ZNF442: variants seen among roughly 807,000 people sequenced by gnomAD.
The protein encoded by ZNF442 is zinc finger protein 442.
ZNF442 carries 45 observed loss-of-function variants against 57.0 expected under a neutral mutation model. The observed-to-expected ratio is 0.79, with a 90% CI of 0.62 to 1.01. ZNF442 has a LOEUF of 1.01. Among genes scored for constraint, ZNF442 ranks in the 50% least tolerant of loss-of-function variants. The pLI, the probability that ZNF442 is intolerant of heterozygous loss-of-function variation, is 0.00. For missense variants in ZNF442, 690 were observed against 756.5 expected (o/e 0.91, Z 1.03); for synonymous variants, 213 against 241.8 (o/e 0.88, Z 1.10).
chr19:12,367,699 C>T (rs372464581), upstream of ZNF442, among the ~76,000 whole-genome samples: 758 of 152,104 alleles, frequency 5.0e-3, 16 homozygotes, highest in African/African-American at 0.017. Context: ...CAGAGTCTCA[C>T]GCTCTGTCCC....
At chr19:12,364,042 T>C (rs1374259118) in intron 2 of ZNF442, among the ~76,000 whole-genome samples, 1 of 152,202 alleles carries the variant, frequency 6.6e-6, no homozygotes, top group African/African-American at 2.4e-5. Context: ...TGTTTGTTTT[T>C]TTGTTTTTTA....
rs774249990 is a variant in ZNF442 at position 12,350,422 on chromosome 19, T to C, written c.1163A>G (p.His388Arg). The C allele has an allele frequency of 6.2e-7, 1 of 1,612,118 alleles. No individual in the cohort carries two copies. The highest frequency in any genetic ancestry group is 8.5e-7 in the Non-Finnish European group (1 of 1,178,614). ...CATATGACTTCGAAAGCTTGAGTGA[T>C]GAGATAACGCTTTCCCACACTGCTT... Reference protein sequence around the residue: ...ECKQCGKALSHHSSFRSHMIM... With the variant: ...ECKQCGKALSRHSSFRSHMIM... Residue 388 changes from histidine to arginine, a missense_variant, in exon 6 of 6, where the codon CAT becomes CGT. By Grantham distance (29) the His-to-Arg change is conservative. Transcript: ENST00000242804.
At position 12,351,008 on chromosome 19, in the gene ZNF442, A is replaced by G; in HGVS notation, c.577T>C (p.Ser193Pro). ...ATTATGTGTCTTCGAAGGTTTCCCG[A>G]AGAACTGAAGGTTTTCCCACATTCC... ...CKECGKTFSS[S>P]GNLRRHIIVQ... Residue 193 changes from serine (S) to proline (P), a missense_variant, in exon 6 of 6, where the codon TCG (serine) becomes CCG (proline). Coordinates refer to ENST00000242804, the MANE Select transcript of ZNF442 (RefSeq NM_030824.3). 1 of 1,613,984 alleles carries G rather than the reference A, an allele frequency of 6.2e-7. No homozygotes were observed. The highest frequency in any genetic ancestry group is 8.5e-7 in the Non-Finnish European group (1 of 1,179,890).
At chr19:12,372,834 C>T in the ZNF442 span, among the ~76,000 whole-genome samples, 1 of 152,286 alleles carries the variant, frequency 6.6e-6, no homozygotes, top group East Asian at 1.9e-4. Flanking sequence ...AGTGCAGTGG[C>T]ACGATCTCAA....
At chr19:12,368,227 C>T (rs990544109), upstream of ZNF442, among the ~76,000 whole-genome samples, 1 of 152,096 alleles carries the variant, frequency 6.6e-6, no homozygotes, top group African/African-American at 2.4e-5. Context: ...GCAATCATCA[C>T]GGGGTCCTGA....
In ZNF442 at chr19:12,347,417, C is replaced by T. The variant is rs1274251572; in HGVS notation, c.*2284G>A. ...GTGAGGAAGTCAATGATTTCAGGAG[C>T]TTCTCCACTATTGATGAAGTATCAG... On this transcript the variant is annotated 3_prime_UTR_variant, in exon 6 of 6. Coordinates refer to ENST00000242804, the MANE Select transcript of ZNF442 (RefSeq NM_030824.3). 1 of 152,180 alleles carries T rather than the reference C, an allele frequency of 6.6e-6. No individual in the cohort carries two copies. The highest frequency in any genetic ancestry group is 1.5e-5 in the Non-Finnish European group (1 of 68,052). The allele number at this position is 152,180 out of a possible 1,614,324, so 9.4% of individuals were successfully genotyped here.
chr19:12,348,118 GT>G lies in ZNF442; in HGVS notation c.*1582del, dbSNP rs1350139958. On this transcript the variant is annotated 3_prime_UTR_variant, in exon 6 of 6. Coordinates refer to ENST00000242804, the MANE Select transcript of ZNF442 (RefSeq NM_030824.3). Reference sequence around the variant, plus strand: ...TCAGCACTTTGGGAGGCCGAGGCAGGTGGATCACCTGAGGTCAGGAGTTCGA... The same window carrying G: ...TCAGCACTTTGGGAGGCCGAGGCAGGGGATCACCTGAGGTCAGGAGTTCGA... 1 of 152,146 alleles carries G rather than the reference GT, an allele frequency of 6.6e-6. No homozygotes were observed. Among genetic ancestry groups the G allele is most frequent in the Admixed American group, 6.5e-5 (1 of 15,274 alleles). 9.4% of individuals were successfully genotyped at this position (152,146 alleles called of 1,614,324 possible). A position where few individuals can be genotyped will look rare whatever the true frequency, so the allele number is the denominator to read the frequency against.
Position 12,349,646 on chromosome 19 carries a change from G to A in ZNF442, c.*55C>T, listed in dbSNP as rs1969180451. 6.6e-7 allele frequency: 1 copy of A among 1,518,474 alleles called. No individual in the cohort carries two copies. Among genetic ancestry groups the A allele is most frequent in the Non-Finnish European group, 8.9e-7 (1 of 1,127,052 alleles). The allele number at this position is 1,518,474 out of a possible 1,614,324, so 94.1% of individuals were successfully genotyped here. On this transcript the variant is annotated 3_prime_UTR_variant, in exon 6 of 6. Transcript: ENST00000242804. ...TGCATTCATGAGGCTTATCTCCTATGTGATTTCTTTCACGTTTCTGAAATG... is the reference window on the plus strand; with the variant it reads ...TGCATTCATGAGGCTTATCTCCTATATGATTTCTTTCACGTTTCTGAAATG...
At position 12,364,970 on chromosome 19, in the gene ZNF442, G is replaced by A. The variant is rs1969506210; in HGVS notation, c.-209C>T. 6.6e-6 allele frequency: 1 copy of A among 152,302 alleles called. No homozygotes were observed. Among genetic ancestry groups the A allele is most frequent in the Non-Finnish European group, 1.5e-5 (1 of 68,162 alleles). The allele number at this position is 152,302 out of a possible 1,614,324, so 9.4% of individuals were successfully genotyped here. A position where few individuals can be genotyped will look rare whatever the true frequency, so the allele number is the denominator to read the frequency against. On this transcript the variant is annotated 5_prime_UTR_variant, in exon 2 of 6. Transcript: ENST00000242804. ...CCAACGGAAAGGCTGGCGCCAAGCA[G>A]GGTGAAAACCCCACGAGGGAACCCA...
chr19:12,351,540 T>C (rs1247057569), intron 5 of ZNF442, among the ~76,000 whole-genome samples: 2 of 152,174 alleles, frequency 1.3e-5, no homozygotes, highest in Non-Finnish European at 2.9e-5. Context: ...GGAGTCTCGC[T>C]CTGTCGCCAG....
At chr19:12,367,813 C>T (rs1001324134), upstream of ZNF442, among the ~76,000 whole-genome samples, 8 of 152,032 alleles carry the variant, frequency 5.3e-5, no homozygotes, top group African/African-American at 9.7e-5. Flanking sequence ...GGACTACAGG[C>T]GCGTGCCACC....
chr19:12,373,193 T>C, the ZNF442 span, among the ~76,000 whole-genome samples: 3 of 152,198 alleles, frequency 2.0e-5, no homozygotes, highest in African/African-American at 4.8e-5. Flanking sequence ...CTTACGTCAA[T>C]TGACACTTAC....
intron 3 of ZNF442, among the ~76,000 whole-genome samples, chr19:12,362,216 GCC>G (rs1969442755): frequency 6.6e-6 from 1 of 152,026 alleles, no homozygotes; most frequent in Non-Finnish European, 1.5e-5. Context: ...CTGCCTGGCC[GCC>G]CAGTCTGGGA....
chr19:12,352,019 C>G lies in ZNF442; in HGVS notation c.257G>C (p.Arg86Thr), dbSNP rs140948641. Residue 86 changes from arginine to threonine, a missense_variant, in exon 5 of 6, where the codon AGG (arginine) becomes ACG (threonine). Transcript: ENST00000242804. ...NIEDQHRNPR[R>T]SLRCHIIERF... ...TGTGAGTGCAAATTACCTTAGGCTC[C>G]TCCTGGGATTTCTGTGCTGATCTTC... is the stretch of plus-strand genomic sequence containing the variant. The G allele has an allele frequency of 3.7e-6, 6 of 1,613,426 alleles. No homozygotes were observed. The African/African-American group carries it at 6.7e-5, about 18-fold the overall frequency.
intron 5 of ZNF442, chr19:12,351,650 C>T (rs1969240486): frequency 3.1e-6 from 1 of 317,482 alleles, no homozygotes; most frequent in East Asian, 6.8e-5. Context: ...GGACTACACA[C>T]ATGCGCCACC....
rs747501985 is a variant in ZNF442 at position 12,350,956 on chromosome 19, A to G, written c.629T>C (p.Ile210Thr). ...AAAGGCTTTCCCACACAACTTACAT[A>G]TATAAGGTCCACCTCCACGTTGTAC... ...IIVQRGGGPY[I>T]CKLCGKAFFW... is the part of the protein sequence containing the mutation. Residue 210 changes from isoleucine to threonine, a missense_variant, in exon 6 of 6, where the codon ATA (isoleucine) becomes ACA (threonine). Physicochemically the swap from Ile to Thr is moderately conservative, Grantham distance 89. Transcript: ENST00000242804. The G allele has an allele frequency of 1.2e-6, 2 of 1,614,212 alleles. No homozygotes were observed. The highest frequency in any genetic ancestry group is 8.5e-7 in the Non-Finnish European group (1 of 1,180,032).
At chr19:12,364,236 T>G (rs1402346727) in intron 2 of ZNF442, among the ~76,000 whole-genome samples, 1 of 151,798 alleles carries the variant, frequency 6.6e-6, no homozygotes, top group Non-Finnish European at 1.5e-5. Flanking sequence ...TGAAACCCCG[T>G]CGCTACTAAA....
upstream of ZNF442, chr19:12,365,702 C>T: frequency 4.9e-6 from 1 of 202,672 alleles, no homozygotes; most frequent in Non-Finnish European, 1.0e-5. Flanking sequence ...CCCGGCAGCG[C>T]GCCTGACTGG....
rs533843712 is a variant in ZNF442 at position 12,350,802 on chromosome 19, C to T, written c.783G>A (p.Gly261=). Residue 261 remains glycine, a synonymous_variant, in exon 6 of 6, where the codon GGG becomes GGA. Coordinates refer to ENST00000242804, the MANE Select transcript of ZNF442 (RefSeq NM_030824.3). ...AGTGCTTGCATTCATATGGTTTCTC[C>T]CCAGTGTGTGTTCTTTCATGTCTTA... ...SYLRHERTHT[G]EKPYECKHCS... is the part of the protein sequence containing the mutation. 2.6e-4 allele frequency: 417 copies of T among 1,613,182 alleles called. 5 individuals carry two copies. The South Asian group carries it at 4.2e-3, about 16-fold the overall frequency.
Sources: gnomAD v4.1 joint callset for allele counts (sites outside exome capture counted in the v4.1 genomes callset) on GRCh38, gnomAD v4.1.1 for gene constraint, MANE v1.5 for transcripts, NCBI Gene and HGNC (gene_info 2026-07-23, HGNC 2026-07-21) for gene names.